Variants in PLCB4 observed in about 807,000 individuals in gnomAD.
PLCB4 encodes the protein phospholipase C beta 4.
PLCB4 carries 77 observed loss-of-function variants against 178.8 expected under a neutral mutation model. The observed-to-expected ratio is 0.43, with a 90% confidence interval of 0.36 to 0.52. PLCB4 has a LOEUF of 0.52. Among genes scored for constraint, PLCB4 ranks in the 20% least tolerant of loss-of-function variants. PLCB4 has a pLI of 0.00. For synonymous variants in PLCB4, 496 were observed against 490.8 expected, an observed-to-expected ratio of 1.01 and a Z score of -0.14; for missense variants, 1,024 against 1,453.4, an observed-to-expected ratio of 0.70 and a Z score of 4.80.
intron 2 of PLCB4, among the ~76,000 whole-genome samples, chr20:9,111,318 G>A (rs778543191): frequency 1.3e-4 from 19 of 151,978 alleles, no homozygotes; most frequent in Non-Finnish European, 1.9e-4. Context: ...TTTGTTTTAC[G>A]AAATTGAGAT....
intron 3 of PLCB4, among the ~76,000 whole-genome samples, chr20:9,238,672 G>A (rs571050302): frequency 6.6e-6 from 1 of 152,078 alleles, no homozygotes; most frequent in Non-Finnish European, 1.5e-5. Flanking sequence ...GAGGCTTTTA[G>A]TACAATTTTC....
At chr20:9,166,281 A>G (rs951820880) in intron 2 of PLCB4, 2 of 151,796 alleles carry the variant, frequency 1.3e-5, no homozygotes, top group Non-Finnish European at 2.9e-5. Flanking sequence ...CAAACACCCA[A>G]CCTCTGATCA....
At chr20:9,187,992 C>T (rs1359571779) in intron 2 of PLCB4, among the ~76,000 whole-genome samples, 1 of 152,196 alleles carries the variant, frequency 6.6e-6, no homozygotes, top group Non-Finnish European at 1.5e-5. Context: ...CTCCCAGCCA[C>T]AATTCAGTTA....
intron 4 of PLCB4, among the ~76,000 whole-genome samples, chr20:9,312,363 C>T (rs2094844997): frequency 7.9e-6 from 1 of 126,414 alleles, no homozygotes; most frequent in Non-Finnish European, 1.6e-5. Context: ...TACACACACA[C>T]ACACACACAC....
intron 35 of PLCB4, among the ~76,000 whole-genome samples, chr20:9,467,257 C>T (rs1350657924): frequency 2.0e-5 from 3 of 151,964 alleles, no homozygotes; most frequent in Non-Finnish European, 4.4e-5. Flanking sequence ...GGGTAGGGAA[C>T]GTCACACACC....
chr20:9,304,140 T>C (rs545056530), intron 3 of PLCB4, among the ~76,000 whole-genome samples: 1 of 151,430 alleles, frequency 6.6e-6, no homozygotes, highest in South Asian at 2.1e-4. Context: ...ATATTACATA[T>C]CTAGGTTTTG....
At chr20:9,376,630 A>C (rs934310616) in intron 12 of PLCB4, among the ~76,000 whole-genome samples, 3 of 152,176 alleles carry the variant, frequency 2.0e-5, no homozygotes, top group African/African-American at 7.2e-5. Flanking sequence ...GCAAGACTAG[A>C]TAAAACCTCT....
At chr20:9,437,273 T>C (rs2041832865) in intron 30 of PLCB4, 121 bp downstream of exon 30, 1 of 864,032 alleles carries the variant, frequency 1.2e-6, no homozygotes, top group African/African-American at 1.7e-5. Context: ...ACCTTTTACA[T>C]AGTGATGTTA....
At chr20:9,307,987 A>G in intron 4 of PLCB4, 89 bp downstream of exon 4, 1 of 563,294 alleles carries the variant, frequency 1.8e-6, no homozygotes, top group Middle Eastern at 4.8e-4. Context: ...TCTTTGACAT[A>G]AGTAAGAACA....
intron 25 of PLCB4, among the ~76,000 whole-genome samples, chr20:9,414,694 A>T (rs2040119422): frequency 1.3e-5 from 2 of 152,180 alleles, no homozygotes; most frequent in South Asian, 2.1e-4. Flanking sequence ...AGGACGCACC[A>T]CTGGGCCCAA....
At chr20:9,447,627 A>T (rs1290124995) in intron 32 of PLCB4, among the ~76,000 whole-genome samples, 2 of 152,250 alleles carry the variant, frequency 1.3e-5, no homozygotes, top group African/African-American at 4.8e-5. Flanking sequence ...GTGGGAGTGG[A>T]TGCAGAAAGG....
At chr20:9,424,873 G>A (rs2040887631) in intron 28 of PLCB4, among the ~76,000 whole-genome samples, 1 of 152,104 alleles carries the variant, frequency 6.6e-6, no homozygotes, top group Non-Finnish European at 1.5e-5. Flanking sequence ...TGGGGAATAT[G>A]GGATAATTTT....
intron 4 of PLCB4, among the ~76,000 whole-genome samples, chr20:9,336,552 C>A (rs935003848): frequency 9.9e-5 from 15 of 152,082 alleles, no homozygotes; most frequent in African/African-American, 3.6e-4. Context: ...CTCAGTCCAT[C>A]TGGACTGGGG....
chr20:9,211,443 C>T (rs1375068839), intron 2 of PLCB4, among the ~76,000 whole-genome samples: 1 of 152,228 alleles, frequency 6.6e-6, no homozygotes, highest in African/African-American at 2.4e-5. Flanking sequence ...ATCTCAGGCC[C>T]TGCCTCAGAC....
intron 13 of PLCB4, among the ~76,000 whole-genome samples, chr20:9,382,625 G>A (rs529264786): frequency 1.3e-5 from 2 of 152,252 alleles, no homozygotes; most frequent in East Asian, 3.9e-4. Context: ...GGTGTTTCCT[G>A]GGTGTGCACG....
At chr20:9,269,942 G>A (rs1298674689) in intron 3 of PLCB4, among the ~76,000 whole-genome samples, 2 of 152,062 alleles carry the variant, frequency 1.3e-5, no homozygotes, top group Non-Finnish European at 1.5e-5. Flanking sequence ...GCTTCTAACT[G>A]GTGAAACTCA....
intron 3 of PLCB4, among the ~76,000 whole-genome samples, chr20:9,273,970 G>T (rs969766474): frequency 9.9e-5 from 15 of 152,060 alleles, no homozygotes; most frequent in Non-Finnish European, 1.8e-4. Context: ...CCCAGGAAAG[G>T]ACGGATTAAT....
chr20:9,327,486 A>G (rs2030835947), intron 4 of PLCB4, among the ~76,000 whole-genome samples: 1 of 151,966 alleles, frequency 6.6e-6, no homozygotes, highest in Admixed American at 6.6e-5. Context: ...TTAAAAAAAA[A>G]TCAATACTGG....
At chr20:9,192,242 G>T (rs1269396652) in intron 2 of PLCB4, among the ~76,000 whole-genome samples, 1 of 152,150 alleles carries the variant, frequency 6.6e-6, no homozygotes, top group East Asian at 1.9e-4. Flanking sequence ...GAGCCGAACT[G>T]CTCTGAAGAG....
Sources: allele counts gnomAD v4.1 joint callset (sites outside exome capture counted in the v4.1 genomes callset), GRCh38; gene constraint gnomAD v4.1.1; transcripts MANE v1.5; gene names NCBI Gene and HGNC (gene_info 2026-07-23, HGNC 2026-07-21).